The following FAXDC2 variants were observed in gnomAD, a reference collection of about 807,000 sequenced individuals.
The protein encoded by FAXDC2 is fatty acid hydroxylase domain containing 2.
In FAXDC2, 41 loss-of-function variants were observed where a neutral mutation model predicts 40.9. The observed-to-expected ratio is 1.00, with a 90% CI of 0.78 to 1.30. The LOEUF (loss-of-function observed/expected upper bound fraction) is 1.30, where lower values mean the gene tolerates loss of function less well. FAXDC2 is among the 50% of genes most tolerant of loss of function. The pLI is 0.00. For missense variants in FAXDC2, 390 were observed against 408.8 expected, an observed-to-expected ratio of 0.95 and a Z score of 0.40; for synonymous variants, 157 against 149.3, an observed-to-expected ratio of 1.05 and a Z score of -0.38.
In FAXDC2 at chr5:154,820,352, A is replaced by C. The variant is rs781479688; in HGVS notation, c.966T>G (p.Ser322=). The C allele has an allele frequency of 3.2e-5, 51 of 1,613,064 alleles. 1 individual carries two copies. The South Asian group carries it at 5.5e-4, about 17-fold the overall frequency. ...TCTTTGGGGAGTCTGGGATGCTCTC[A>C]GAGAGCGGGGTGAAGCCCAGCAGGA... The part of the protein sequence containing the change: ...HVLLLGFTPL[S]ESIPDSPKRM... The change falls in exon 9 of 9, where the codon TCT becomes TCG. Residue 322 remains serine (S), a synonymous_variant. Transcript: ENST00000326080.
intron 1 of FAXDC2, among the ~76,000 whole-genome samples, chr5:154,849,196 C>T (rs995808655): frequency 1.3e-5 from 2 of 152,040 alleles, no homozygotes; most frequent in African/African-American, 4.8e-5. Flanking sequence ...AGGAGAATCT[C>T]TTGAACCCAG....
chr5:154,848,406 T>G (rs1002239923), intron 1 of FAXDC2, among the ~76,000 whole-genome samples: 1 of 152,196 alleles, frequency 6.6e-6, no homozygotes, highest in African/African-American at 2.4e-5. Flanking sequence ...ATTTTGGGAA[T>G]AGCATAACTT....
chr5:154,823,701 G>C (rs1344434101), intron 5 of FAXDC2, 109 bp from the exon 6 acceptor site: 9 of 872,382 alleles, frequency 1.0e-5, no homozygotes, highest in Non-Finnish European at 1.6e-5. Context: ...GAGAGATGTC[G>C]GGGGACAGCC....
intron 5 of FAXDC2, among the ~76,000 whole-genome samples, chr5:154,825,115 A>G (rs985719648): frequency 6.6e-6 from 1 of 150,654 alleles, no homozygotes; most frequent in Non-Finnish European, 1.5e-5. Context: ...CTGTAATCCC[A>G]GCACTTTGGG....
chr5:154,834,884 A>G lies in FAXDC2; in HGVS notation c.99T>C (p.Ser33=). The G allele has an allele frequency of 4.3e-6, 7 of 1,610,378 alleles. No homozygotes were observed. The highest frequency in any genetic ancestry group is 5.9e-6 in the Non-Finnish European group (7 of 1,178,098). ...SMRRTAFILG[S]GLLSFVAFWN... The stretch of plus-strand genomic sequence containing the variant: ...AGAAGGCCACAAATGAGAGAAGTCC[A>G]GAGCCCAGGATGAAAGCTGTCCTCC... The change falls in exon 3 of 9, where the codon TCT becomes TCC. Residue 33 remains serine (S), a synonymous_variant. Coordinates refer to ENST00000326080, the MANE Select transcript of FAXDC2 (RefSeq NM_032385.5).
chr5:154,835,058 C>T (rs543184036), intron 2 of FAXDC2, 124 bp from the exon 3 acceptor site: 22 of 656,398 alleles, frequency 3.4e-5, no homozygotes, highest in South Asian at 5.5e-5. Flanking sequence ...GGCACATCTG[C>T]GTTTTCCAGC....
At chr5:154,837,643 C>T (rs934824526) in intron 2 of FAXDC2, among the ~76,000 whole-genome samples, 3 of 152,038 alleles carry the variant, frequency 2.0e-5, no homozygotes, top group South Asian at 2.1e-4. Flanking sequence ...GATATTTGTT[C>T]GGGGATGTTG....
chr5:154,831,016 A>G (rs1399172765), intron 4 of FAXDC2, 94 bp from the exon 5 acceptor site: 1 of 1,475,172 alleles, frequency 6.8e-7, no homozygotes, highest in Non-Finnish European at 9.3e-7. Context: ...CTGAGGCTTC[A>G]TCCTAGACAT....
chr5:154,845,791 T>G lies in FAXDC2; in HGVS notation c.-1+4692A>C, dbSNP rs969735893. 4.6e-4 allele frequency among the ~76,000 whole-genome samples: 63 copies of G among 137,528 alleles called. 1 individual carries two copies. The highest frequency in any genetic ancestry group is 1.6e-3 in the African/African-American group (61 of 37,152). 90.2% of individuals were successfully genotyped at this position (137,528 alleles called of 152,430 possible). On this transcript the variant is annotated intron_variant, in intron 1 of 8. Coordinates refer to ENST00000326080, the MANE Select transcript of FAXDC2 (RefSeq NM_032385.5). ...ATTTGGCTTCAAGTTGGACACCTAT[T>G]TTTTTTTTTTTTTTAGATGGAATCT...
At position 154,838,038 on chromosome 5, in the gene FAXDC2, T is replaced by TG; in HGVS notation, c.48+92dup. Reference sequence around the variant, plus strand: ...CCATGTGTCAGCCACCCCTAAACCTTGGGGGAGATGTTGGATGCATAGCAA... The same window carrying TG: ...CCATGTGTCAGCCACCCCTAAACCTTGGGGGGAGATGTTGGATGCATAGCAA... On this transcript the variant is annotated intron_variant, in intron 2 of 8. Transcript: ENST00000326080. 9.4e-6 allele frequency: 8 copies of TG among 847,230 alleles called. No individual in the cohort carries two copies. In the South Asian group the frequency reaches 1.1e-4, roughly 12 times the overall value. The allele number at this position is 847,230 out of a possible 1,614,324, so 52.5% of individuals were successfully genotyped here. A position where few individuals can be genotyped will look rare whatever the true frequency, so the allele number is the denominator to read the frequency against.
intron 5 of FAXDC2, among the ~76,000 whole-genome samples, chr5:154,827,733 G>A (rs1026337208): frequency 6.6e-5 from 10 of 151,844 alleles, no homozygotes; most frequent in Middle Eastern, 6.8e-3. Context: ...ACAGTGTTGG[G>A]TGGGGTGTTT....
chr5:154,849,244 T>C (rs189319949), intron 1 of FAXDC2, among the ~76,000 whole-genome samples: 1 of 151,034 alleles, frequency 6.6e-6, no homozygotes, highest in African/African-American at 2.4e-5. Flanking sequence ...CGCGCCACTG[T>C]ACTCCAGCCT....
intron 1 of FAXDC2, among the ~76,000 whole-genome samples, chr5:154,847,733 CA>C (rs770683176): frequency 2.5e-4 from 38 of 150,878 alleles, no homozygotes; most frequent in Admixed American, 6.6e-4. Flanking sequence ...TCAGGTGATA[CA>C]CCCACCTTGG....
rs758472970 is a variant in FAXDC2, at chr5:154,821,411, G to T, written c.694C>A (p.Pro232Thr). 3.7e-6 allele frequency: 6 copies of T among 1,611,674 alleles called. No homozygotes were observed. The African/African-American group carries it at 8.0e-5, about 22-fold the overall frequency. ...PIEHAVSNMLPVIVGPLVMGS... is the reference protein window; with the variant it reads ...PIEHAVSNMLTVIVGPLVMGS... The stretch of plus-strand genomic sequence containing the variant: ...ATTACTAATGGGCCCACTATCACCG[G>T]TAGCATGTTGGAGACCTGCAAGAGG... The change falls in exon 8 of 9, where the codon CCG (proline) becomes ACG (threonine). Residue 232 changes from proline to threonine, a missense_variant. Pro to Thr is a conservative substitution (Grantham distance 38). Transcript: ENST00000326080.
chr5:154,833,897 T>C (rs543620484), intron 4 of FAXDC2, among the ~76,000 whole-genome samples: 1 of 151,222 alleles, frequency 6.6e-6, no homozygotes, highest in African/African-American at 2.4e-5. Context: ...CTCAAACTCC[T>C]GACCTCGTGA....
intron 4 of FAXDC2, among the ~76,000 whole-genome samples, chr5:154,831,966 AG>A (rs1328642766): frequency 6.6e-6 from 1 of 152,194 alleles, no homozygotes; most frequent in Non-Finnish European, 1.5e-5. Context: ...TAGAATGGGA[AG>A]CTTAGAGTAT....
rs770469127 is a variant in FAXDC2, at chr5:154,834,674, C to G, written c.195G>C (p.Glu65Asp). 3.1e-6 allele frequency: 5 copies of G among 1,613,556 alleles called. No homozygotes were observed. The highest frequency in any genetic ancestry group is 4.2e-6 in the Non-Finnish European group (5 of 1,179,922). Residue 65 changes from glutamate to aspartate, a missense_variant, in exon 4 of 9, where the codon GAG (glutamate) becomes GAC (aspartate). Glu to Asp is a conservative substitution (Grantham distance 45). Transcript: ENST00000326080. ...TCCCTTCAAATGTAGTCAGCAGCCT[C>G]TCCCACTGGGCTTGCCAAAAGTAGC... ...ASGYFWQAQWERLLTTFEGKE... is the reference protein window; with the variant it reads ...ASGYFWQAQWDRLLTTFEGKE...
Position 154,819,256 on chromosome 5 carries a change from G to A in FAXDC2, c.*1060C>T, listed in dbSNP as rs902114707. On this transcript the variant is annotated 3_prime_UTR_variant, in exon 9 of 9. Coordinates refer to ENST00000326080, the MANE Select transcript of FAXDC2 (RefSeq NM_032385.5). Reference sequence around the variant, plus strand: ...ACCACAGGGTTCCTGGCCATGTCTGGCGGCTGAGAGGAGGCCAGGATGGGG... The same window carrying A: ...ACCACAGGGTTCCTGGCCATGTCTGACGGCTGAGAGGAGGCCAGGATGGGG... 1.3e-5 allele frequency: 2 copies of A among 152,174 alleles called. No individual in the cohort carries two copies. The highest frequency in any genetic ancestry group is 2.9e-5 in the Non-Finnish European group (2 of 68,044). 9.4% of individuals were successfully genotyped at this position (152,174 alleles called of 1,614,324 possible). A position where few individuals can be genotyped will look rare whatever the true frequency, so the allele number is the denominator to read the frequency against.
At chr5:154,846,926 TTTTG>T (rs904985465) in intron 1 of FAXDC2, among the ~76,000 whole-genome samples, 33 of 151,784 alleles carry the variant, frequency 2.2e-4, no homozygotes, top group Admixed American at 1.4e-3. Context: ...GGTTCTGGTT[TTTTG>T]TTTGTTTTTT....
Sources: gnomAD v4.1 joint callset for allele counts (sites outside exome capture counted in the v4.1 genomes callset) on GRCh38, gnomAD v4.1.1 for gene constraint, MANE v1.5 for transcripts, NCBI Gene and HGNC (gene_info 2026-07-23, HGNC 2026-07-21) for gene names.